MTMR7: variants seen among roughly 807,000 people sequenced by gnomAD.
The protein encoded by MTMR7 is phosphatidylinositol-3-phosphate phosphatase MTMR7.
MTMR7 carries 76 observed loss-of-function variants against 81.2 expected under a neutral mutation model. The ratio of observed to expected loss-of-function variants is 0.94; its 90% CI spans 0.78 to 1.13. The LOEUF is 1.13. Among genes scored for constraint, MTMR7 ranks in the 50% most tolerant of loss-of-function variants. The pLI, the probability that MTMR7 is intolerant of heterozygous loss-of-function variation, is 0.00. For missense variants in MTMR7, 1,044 were observed against 820.0 expected, an observed-to-expected ratio of 1.27 and a Z score of -3.34; for synonymous variants, 372 against 289.8, an observed-to-expected ratio of 1.28 and a Z score of -2.88.
chr8:17,401,056 G>A (rs528578973), intron 1 of MTMR7, among the ~76,000 whole-genome samples: 1 of 152,106 alleles, frequency 6.6e-6, no homozygotes, highest in African/African-American at 2.4e-5. Context: ...AATGCAGCTA[G>A]CTGCCAGGTA....
intron 4 of MTMR7, among the ~76,000 whole-genome samples, chr8:17,351,055 A>G (rs1285772677): frequency 6.6e-6 from 1 of 152,178 alleles, no homozygotes. Flanking sequence ...AGCCAGCTAG[A>G]AGACTATGAC....
At chr8:17,395,658 G>A (rs926140807) in intron 1 of MTMR7, among the ~76,000 whole-genome samples, 1 of 152,176 alleles carries the variant, frequency 6.6e-6, no homozygotes, top group Non-Finnish European at 1.5e-5. Flanking sequence ...GTTCTGACCT[G>A]TATTTCCCTA....
chr8:17,364,028 T>A (rs1463339616), intron 3 of MTMR7, among the ~76,000 whole-genome samples: 2 of 125,886 alleles, frequency 1.6e-5, no homozygotes, highest in Non-Finnish European at 3.2e-5. Flanking sequence ...ATTATTTTTT[T>A]TTTTTTTTTT....
intron 1 of MTMR7, among the ~76,000 whole-genome samples, chr8:17,394,908 T>C (rs762767677): frequency 5.9e-5 from 9 of 152,148 alleles, no homozygotes; most frequent in Non-Finnish European, 1.0e-4. Context: ...AAATGTATTT[T>C]TTTTAAATGT....
chr8:17,381,150 GC>G (rs1180366971), intron 1 of MTMR7, among the ~76,000 whole-genome samples: 1 of 152,116 alleles, frequency 6.6e-6, no homozygotes, highest in Non-Finnish European at 1.5e-5. Flanking sequence ...AAAAGACTAT[GC>G]CCCAGTTTAA....
chr8:17,397,863 A>G (rs1393789144), intron 1 of MTMR7, among the ~76,000 whole-genome samples: 1 of 152,212 alleles, frequency 6.6e-6, no homozygotes, highest in East Asian at 1.9e-4. Context: ...AGCTCCAGAT[A>G]GTTCAGCAAA....
chr8:17,401,787 GA>G (rs1466416036), intron 1 of MTMR7, among the ~76,000 whole-genome samples: 1 of 152,110 alleles, frequency 6.6e-6, no homozygotes, highest in African/African-American at 2.4e-5. Flanking sequence ...CACAAGAGGA[GA>G]AAATTGGGTG....
rs1816973913 is a variant in MTMR7 at position 17,299,700 on chromosome 8, T to TAAGA, written c.*158_*161dup. The TAAGA allele has an allele frequency of 1.1e-6, 1 of 908,604 alleles. No homozygotes were observed. The highest frequency in any genetic ancestry group is 1.6e-6 in the Non-Finnish European group (1 of 608,204). The allele number at this position is 908,604 out of a possible 1,614,324, so 56.3% of individuals were successfully genotyped here. On this transcript the variant is annotated 3_prime_UTR_variant, in exon 14 of 14. Transcript: ENST00000180173. Reference sequence around the variant, plus strand: ...AAATGACTACGTCCTCTTCAGTATCTAAGAAATCAAGAACTGGGCACTTTT... The same window carrying TAAGA: ...AAATGACTACGTCCTCTTCAGTATCTAAGAAAGAAATCAAGAACTGGGCACTTTT...
intron 1 of MTMR7, among the ~76,000 whole-genome samples, chr8:17,406,790 C>T (rs73211151): frequency 0.045 from 6,909 of 152,008 alleles, 242 homozygotes; most frequent in Non-Finnish European, 0.068. Context: ...ACAGATAAAA[C>T]GAAATGAAGT....
At chr8:17,397,384 A>G (rs1026853995) in intron 1 of MTMR7, among the ~76,000 whole-genome samples, 9 of 152,062 alleles carry the variant, frequency 5.9e-5, no homozygotes, top group African/African-American at 2.2e-4. Context: ...ATTCACCACA[A>G]GCTGACTGAA....
At chr8:17,398,881 A>C (rs1017827591) in intron 1 of MTMR7, among the ~76,000 whole-genome samples, 17 of 152,218 alleles carry the variant, frequency 1.1e-4, no homozygotes, top group African/African-American at 3.9e-4. Flanking sequence ...TGTTTGCTCA[A>C]GCAATCAGAG....
intron 4 of MTMR7, among the ~76,000 whole-genome samples, chr8:17,354,610 T>C (rs1194230859): frequency 1.3e-5 from 2 of 152,188 alleles, no homozygotes; most frequent in African/African-American, 2.4e-5. Flanking sequence ...CTACGTCTGC[T>C]GTTATTTCCA....
At chr8:17,377,041 A>T (rs1022264278) in intron 1 of MTMR7, among the ~76,000 whole-genome samples, 59 of 150,396 alleles carry the variant, frequency 3.9e-4, no homozygotes, top group African/African-American at 1.4e-3. Flanking sequence ...CATAATTGTT[A>T]TTTTGATTTG....
At chr8:17,330,666 G>T (rs1818954045) in intron 7 of MTMR7, among the ~76,000 whole-genome samples, 1 of 152,196 alleles carries the variant, frequency 6.6e-6, no homozygotes, top group African/African-American at 2.4e-5. Context: ...TGTGTGTGGA[G>T]GTGGCGGGAG....
chr8:17,395,540 T>C (rs994583330), intron 1 of MTMR7, among the ~76,000 whole-genome samples: 2 of 152,242 alleles, frequency 1.3e-5, no homozygotes, highest in South Asian at 2.1e-4. Flanking sequence ...TCACCAACAA[T>C]GCACAAGGGT....
intron 1 of MTMR7, among the ~76,000 whole-genome samples, chr8:17,389,924 A>G (rs1821052237): frequency 6.6e-6 from 1 of 152,176 alleles, no homozygotes; most frequent in Non-Finnish European, 1.5e-5. Context: ...CATTCATACA[A>G]CAAATATTTA....
At chr8:17,304,974 G>C (rs1353553637) in intron 11 of MTMR7, among the ~76,000 whole-genome samples, 1 of 152,094 alleles carries the variant, frequency 6.6e-6, no homozygotes, top group Admixed American at 6.6e-5. Context: ...AAGTGGAAAA[G>C]CCATATTCAG....
chr8:17,322,680 C>T (rs1015627949), intron 7 of MTMR7, among the ~76,000 whole-genome samples: 10 of 152,030 alleles, frequency 6.6e-5, no homozygotes, highest in African/African-American at 2.4e-4. Flanking sequence ...AAAAAATTAG[C>T]TGGGTGTGGA....
chr8:17,385,668 G>A (rs1028289160), intron 1 of MTMR7, among the ~76,000 whole-genome samples: 3 of 152,096 alleles, frequency 2.0e-5, no homozygotes, highest in East Asian at 1.9e-4. Context: ...CTGTCCTCAC[G>A]ATGGTGAGTT....
Sources: gnomAD v4.1 joint callset for allele counts (sites outside exome capture counted in the v4.1 genomes callset) on GRCh38, gnomAD v4.1.1 for gene constraint, MANE v1.5 for transcripts, NCBI Gene and HGNC (gene_info 2026-07-23, HGNC 2026-07-21) for gene names.